Variants in ASIC2 observed in about 807,000 individuals in gnomAD.
The protein encoded by ASIC2 is acid-sensing ion channel 2.
In ASIC2, 25 loss-of-function variants were observed where a neutral mutation model predicts 57.3. The observed-to-expected ratio is 0.44, with a 90% CI of 0.32 to 0.61. The LOEUF (loss-of-function observed/expected upper bound fraction) is 0.61, where lower values mean the gene tolerates loss of function less well. Ranked by LOEUF, ASIC2 falls within the 20% of genes least tolerant of loss-of-function variation. ASIC2 has a pLI of 0.06. For missense variants in ASIC2, 641 were observed against 738.1 expected (o/e 0.87, Z 1.52); for synonymous variants, 319 against 307.5 (o/e 1.04, Z -0.39).
At chr17:33,194,856 C>T (rs1441156608) in intron 1 of ASIC2, among the ~76,000 whole-genome samples, 1 of 152,200 alleles carries the variant, frequency 6.6e-6, no homozygotes, top group African/African-American at 2.4e-5. Context: ...TCAGGGCCAT[C>T]AGTTTCCCTC....
intron 1 of ASIC2, among the ~76,000 whole-genome samples, chr17:34,100,270 C>T (rs1466066144): frequency 6.7e-6 from 1 of 148,474 alleles, no homozygotes; most frequent in Non-Finnish European, 1.5e-5. Context: ...GTTATAATAA[C>T]ATGTCAGGGA....
At chr17:33,528,438 T>A (rs925395918) in intron 1 of ASIC2, among the ~76,000 whole-genome samples, 1 of 152,102 alleles carries the variant, frequency 6.6e-6, no homozygotes, top group African/African-American at 2.4e-5. Flanking sequence ...TCTACACTTA[T>A]AATAAATAAG....
chr17:33,743,150 G>A (rs1271721624), intron 1 of ASIC2, among the ~76,000 whole-genome samples: 1 of 152,172 alleles, frequency 6.6e-6, no homozygotes, highest in Non-Finnish European at 1.5e-5. Flanking sequence ...CTACTTCTCA[G>A]CAAAACAAGC....
chr17:33,900,207 A>G (rs1349845282), intron 1 of ASIC2, among the ~76,000 whole-genome samples: 1 of 152,250 alleles, frequency 6.6e-6, no homozygotes, highest in Non-Finnish European at 1.5e-5. Context: ...AGAGGCATGT[A>G]GCTGATGTGT....
At chr17:33,300,762 A>G (rs1905924300) in intron 1 of ASIC2, among the ~76,000 whole-genome samples, 1 of 152,234 alleles carries the variant, frequency 6.6e-6, no homozygotes, top group African/African-American at 2.4e-5. Flanking sequence ...TGTAACTAAC[A>G]TTTAGAGTGG....
chr17:33,953,020 ATATAT>A (rs1904627422), intron 1 of ASIC2, among the ~76,000 whole-genome samples: 1 of 152,208 alleles, frequency 6.6e-6, no homozygotes, highest in Admixed American at 6.5e-5. Context: ...AATGACTATC[ATATAT>A]TATTTTATAA....
At chr17:33,454,920 T>C (rs1254035197) in intron 1 of ASIC2, among the ~76,000 whole-genome samples, 1 of 152,212 alleles carries the variant, frequency 6.6e-6, no homozygotes, top group Non-Finnish European at 1.5e-5. Flanking sequence ...CATGACTTAA[T>C]CACTTCCTTA....
At chr17:33,417,243 T>TA (rs1187101119) in intron 1 of ASIC2, among the ~76,000 whole-genome samples, 1 of 152,128 alleles carries the variant, frequency 6.6e-6, no homozygotes, top group African/African-American at 2.4e-5. Context: ...CCAGGGGTTA[T>TA]AAAATCTTAA....
intron 2 of ASIC2, among the ~76,000 whole-genome samples, chr17:33,108,613 A>C (rs1453390900): frequency 6.6e-6 from 1 of 152,164 alleles, no homozygotes; most frequent in African/African-American, 2.4e-5. Context: ...TCTCACCCGC[A>C]TGGGACTCAC....
At chr17:33,240,289 A>G (rs1908452288) in intron 1 of ASIC2, among the ~76,000 whole-genome samples, 1 of 152,068 alleles carries the variant, frequency 6.6e-6, no homozygotes. Flanking sequence ...CCCAGGCCAG[A>G]GCAGCTTCAC....
intron 1 of ASIC2, among the ~76,000 whole-genome samples, chr17:33,588,588 T>G (rs1676137055): frequency 6.6e-6 from 1 of 152,196 alleles, no homozygotes; most frequent in African/African-American, 2.4e-5. Flanking sequence ...CCTGCTCTCT[T>G]GAAGCTTACT....
chr17:33,253,373 A>G (rs1186723120), intron 1 of ASIC2, among the ~76,000 whole-genome samples: 3 of 152,218 alleles, frequency 2.0e-5, no homozygotes, highest in Admixed American at 1.3e-4. Context: ...GCATGCACGT[A>G]TATGCACACC....
Position 33,013,625 on chromosome 17 carries a change from A to G in ASIC2, c.*340T>C, listed in dbSNP as rs542256529. 3.4e-6 allele frequency: 1 copy of G among 295,258 alleles called. No individual in the cohort carries two copies. The highest frequency in any genetic ancestry group is 6.5e-6 in the Non-Finnish European group (1 of 153,280). The allele number at this position is 295,258 out of a possible 1,614,324, so 18.3% of individuals were successfully genotyped here. A position where few individuals can be genotyped will look rare whatever the true frequency, so the allele number is the denominator to read the frequency against. On this transcript the variant is annotated 3_prime_UTR_variant, in exon 10 of 10. Coordinates refer to ENST00000225823, the MANE Select transcript of ASIC2 (RefSeq NM_183377.2). ...AGTGTGGACACTGGAAACCGCGTGG[A>G]GGAGTGTCATGTACAAGACAGACGT...
chr17:33,384,100 C>T (rs1404535275), intron 1 of ASIC2, among the ~76,000 whole-genome samples: 2 of 152,172 alleles, frequency 1.3e-5, no homozygotes, highest in East Asian at 3.9e-4. Context: ...ACTTCTGGCC[C>T]CCACCTGTTA....
chr17:33,373,239 G>A (rs1228686437), intron 1 of ASIC2, among the ~76,000 whole-genome samples: 5 of 152,190 alleles, frequency 3.3e-5, no homozygotes, highest in Admixed American at 3.3e-4. Context: ...TATTTCAGAT[G>A]CTAGGTGGGG....
intron 1 of ASIC2, among the ~76,000 whole-genome samples, chr17:33,263,612 G>A (rs1909361601): frequency 6.6e-6 from 1 of 152,138 alleles, no homozygotes; most frequent in African/African-American, 2.4e-5. Context: ...TGCTGTGCTT[G>A]CTCCTGCTCT....
At chr17:33,554,640 T>C (rs2141979343) in intron 1 of ASIC2, among the ~76,000 whole-genome samples, 1 of 152,214 alleles carries the variant, frequency 6.6e-6, no homozygotes, top group South Asian at 2.1e-4. Context: ...TCTTCTGTGC[T>C]TTTTGAGGAA....
At chr17:33,468,305 C>T (rs963068542) in intron 1 of ASIC2, among the ~76,000 whole-genome samples, 3 of 152,106 alleles carry the variant, frequency 2.0e-5, no homozygotes, top group African/African-American at 7.2e-5. Context: ...GAGGCAAAGA[C>T]CATCTCCATG....
intron 1 of ASIC2, among the ~76,000 whole-genome samples, chr17:33,616,159 T>C (rs924339448): frequency 1.3e-5 from 2 of 151,554 alleles, no homozygotes; most frequent in Non-Finnish European, 2.9e-5. Context: ...AAGTCTATAC[T>C]GTGTGGAACC....
Sources: allele counts gnomAD v4.1 joint callset (sites outside exome capture counted in the v4.1 genomes callset), GRCh38; gene constraint gnomAD v4.1.1; transcripts MANE v1.5; gene names NCBI Gene and HGNC (gene_info 2026-07-23, HGNC 2026-07-21).